NXPH1: variants seen among roughly 807,000 people sequenced by gnomAD.
NXPH1 encodes neurexophilin 1, also known as neurexophilin-1.
NXPH1 carries 5 observed loss-of-function variants against 23.7 expected under a neutral mutation model. That is an observed-to-expected ratio of 0.21 (90% CI 0.11 to 0.44). The LOEUF (loss-of-function observed/expected upper bound fraction) is 0.44, where lower values mean the gene tolerates loss of function less well. Among genes scored for constraint, NXPH1 ranks in the 20% least tolerant of loss-of-function variants. The probability of loss-of-function intolerance (pLI) is 0.99; values close to 1 mark genes in which losing one functional copy is unlikely to be tolerated. For missense variants in NXPH1, 324 were observed against 321.6 expected (o/e 1.01, Z -0.06); for synonymous variants, 144 against 122.2 (o/e 1.18, Z -1.18).
At chr7:8,547,647 T>C (rs527932865) in intron 2 of NXPH1, among the ~76,000 whole-genome samples, 329 of 151,494 alleles carry the variant, frequency 2.2e-3, no homozygotes, top group Non-Finnish European at 3.6e-3. Context: ...CTTTTCCCCC[T>C]GCCCCACTCT....
At chr7:8,720,072 C>T (rs1779946544) in intron 2 of NXPH1, among the ~76,000 whole-genome samples, 1 of 152,074 alleles carries the variant, frequency 6.6e-6, no homozygotes, top group Non-Finnish European at 1.5e-5. Flanking sequence ...ATCTGCTTGT[C>T]AGCTCCTTTT....
At chr7:8,570,050 C>A (rs1170866685) in intron 2 of NXPH1, among the ~76,000 whole-genome samples, 1 of 151,888 alleles carries the variant, frequency 6.6e-6, no homozygotes, top group Non-Finnish European at 1.5e-5. Flanking sequence ...CTGTTACTGT[C>A]TTTACCTCAC....
intron 2 of NXPH1, among the ~76,000 whole-genome samples, chr7:8,660,428 G>A (rs4720788): frequency 0.63 from 95,634 of 151,024 alleles, 31,148 homozygotes; most frequent in Middle Eastern, 0.76. Flanking sequence ...CTAAGCAAAA[G>A]CATAGTATTT....
chr7:8,605,024 C>T (rs1477699246), intron 2 of NXPH1, among the ~76,000 whole-genome samples: 1 of 152,082 alleles, frequency 6.6e-6, no homozygotes, highest in Admixed American at 6.6e-5. Flanking sequence ...ATTGTCAGAA[C>T]TGCGTACCAT....
intron 2 of NXPH1, among the ~76,000 whole-genome samples, chr7:8,668,261 TTTTTTTTTA>T (rs1157654718): frequency 2.4e-5 from 2 of 83,276 alleles, no homozygotes; most frequent in Admixed American, 3.4e-4. Flanking sequence ...TCTTTGTTTT[TTTTTTTTTA>T]TTTTGTTGTT....
chr7:8,600,859 T>C (rs961358979), intron 2 of NXPH1, among the ~76,000 whole-genome samples: 1 of 152,076 alleles, frequency 6.6e-6, no homozygotes, highest in Non-Finnish European at 1.5e-5. Context: ...TCTGCATCCC[T>C]GGATTCAACC....
chr7:8,523,573 T>G (rs1244904247), intron 2 of NXPH1, among the ~76,000 whole-genome samples: 1 of 152,238 alleles, frequency 6.6e-6, no homozygotes, highest in Non-Finnish European at 1.5e-5. Flanking sequence ...TTCTAAGGAT[T>G]AGATACATTT....
Position 8,713,580 on chromosome 7 carries a change from T to A in NXPH1, c.55-37428T>A, listed in dbSNP as rs1779829754. On this transcript the variant is annotated intron_variant, in intron 2 of 2. Coordinates refer to ENST00000405863, the MANE Select transcript of NXPH1 (RefSeq NM_152745.3). ...AGTCTTTGCAACCTTGGCTTGTTTT[T>A]ACCCGTCCTTCTTGGGAAGCCTTTC... Among the ~76,000 whole-genome samples, 8 of 152,282 alleles carry A rather than the reference T, an allele frequency of 5.3e-5. 1 individual carries two copies. The South Asian group carries it at 1.7e-3, about 32-fold the overall frequency.
At position 8,608,680 on chromosome 7, in the gene NXPH1, C is replaced by T. The variant is rs558928059; in HGVS notation, c.55-142328C>T. Among the ~76,000 whole-genome samples, 39 of 151,924 alleles carry T rather than the reference C, an allele frequency of 2.6e-4. 1 individual carries two copies. The South Asian group carries it at 3.9e-3, about 15-fold the overall frequency. Reference sequence around the variant, plus strand: ...CTTTGAAAACATTGACTTTTTTGTGCGTCATATGACACTAATAACAGAAAC... The same window carrying T: ...CTTTGAAAACATTGACTTTTTTGTGTGTCATATGACACTAATAACAGAAAC... On this transcript the variant is annotated intron_variant, in intron 2 of 2. Coordinates refer to ENST00000405863, the MANE Select transcript of NXPH1 (RefSeq NM_152745.3).
chr7:8,716,606 T>G (rs7793067), intron 2 of NXPH1, among the ~76,000 whole-genome samples: 69,083 of 151,996 alleles, frequency 0.45, 16,520 homozygotes, highest in African/African-American at 0.61. Context: ...GTGAAAAATA[T>G]GTTTCTGTAC....
At chr7:8,656,316 T>C (rs2115157392) in intron 2 of NXPH1, among the ~76,000 whole-genome samples, 1 of 152,294 alleles carries the variant, frequency 6.6e-6, no homozygotes, top group African/African-American at 2.4e-5. Context: ...AATGAATAAT[T>C]AATAAAAGCT....
At chr7:8,691,516 T>C (rs1269671453) in intron 2 of NXPH1, among the ~76,000 whole-genome samples, 1 of 152,216 alleles carries the variant, frequency 6.6e-6, no homozygotes, top group African/African-American at 2.4e-5. Flanking sequence ...TTGGTATTGG[T>C]AAACATGATT....
intron 2 of NXPH1, among the ~76,000 whole-genome samples, chr7:8,660,006 TAAGAG>T (rs921347199): frequency 2.6e-5 from 4 of 152,178 alleles, no homozygotes; most frequent in Admixed American, 6.5e-5. Context: ...GGGGAATACT[TAAGAG>T]GAGCAGAATC....
At chr7:8,460,363 C>T (rs144241905) in intron 2 of NXPH1, among the ~76,000 whole-genome samples, 226 of 152,256 alleles carry the variant, frequency 1.5e-3, no homozygotes, top group African/African-American at 5.2e-3. Context: ...ATCTATCTTT[C>T]CTCGTCCATT....
rs116487776 is a variant in NXPH1, at chr7:8,710,386, A to T, written c.55-40622A>T. ...GTGGTGGGTTTTCATCTTTTAATCA[A>T]TTCTTCCATGAGGGAGGAGGGATAG... is the stretch of plus-strand genomic sequence containing the variant. On this transcript the variant is annotated intron_variant, in intron 2 of 2. Transcript: ENST00000405863. Among the ~76,000 whole-genome samples the T allele has an allele frequency of 2.3e-3, 356 of 152,304 alleles. 1 individual carries two copies. The highest frequency in any genetic ancestry group is 8.3e-3 in the African/African-American group (346 of 41,560).
chr7:8,482,191 G>T (rs941769620), intron 2 of NXPH1, among the ~76,000 whole-genome samples: 3 of 152,184 alleles, frequency 2.0e-5, no homozygotes, highest in Non-Finnish European at 4.4e-5. Flanking sequence ...GGGCTAAATT[G>T]CAGGGAAAGT....
chr7:8,749,472 C>T (rs760549196), intron 2 of NXPH1, among the ~76,000 whole-genome samples: 1 of 152,192 alleles, frequency 6.6e-6, no homozygotes, highest in Admixed American at 6.5e-5. Flanking sequence ...ATGCTATTTT[C>T]AGGTCACATT....
At chr7:8,635,083 C>A (rs753504651) in intron 2 of NXPH1, among the ~76,000 whole-genome samples, 119 of 152,130 alleles carry the variant, frequency 7.8e-4, no homozygotes, top group Non-Finnish European at 1.6e-3. Flanking sequence ...GACTAGAGAT[C>A]TTACCTGTCT....
chr7:8,661,910 A>G (rs962081966), intron 2 of NXPH1, among the ~76,000 whole-genome samples: 2 of 152,068 alleles, frequency 1.3e-5, no homozygotes, highest in African/African-American at 4.8e-5. Context: ...AAGTATTTGA[A>G]ATATATCAAG....
Sources: gnomAD v4.1 joint callset for allele counts (sites outside exome capture counted in the v4.1 genomes callset) on GRCh38, gnomAD v4.1.1 for gene constraint, MANE v1.5 for transcripts, NCBI Gene and HGNC (gene_info 2026-07-23, HGNC 2026-07-21) for gene names.